The following SLC6A7 variants were observed in gnomAD, a reference collection of about 807,000 sequenced individuals.
SLC6A7 encodes the protein solute carrier family 6 member 7, also known as sodium-dependent proline transporter.
A neutral mutation model predicts 73.1 loss-of-function variants in SLC6A7; 58 were observed. The observed-to-expected ratio is 0.79, with a 90% CI of 0.64 to 0.99. The LOEUF (loss-of-function observed/expected upper bound fraction) is 0.99. Ranked by LOEUF, SLC6A7 falls within the 50% of genes least tolerant of loss-of-function variation. The pLI, the probability that SLC6A7 is intolerant of heterozygous loss-of-function variation, is 0.00. For synonymous variants in SLC6A7, 338 were observed against 338.7 expected (o/e 1.00, Z 0.02); for missense variants, 783 against 831.4 (o/e 0.94, Z 0.72).
rs1580879505 is a variant in SLC6A7, at chr5:150,210,693, A to T, written c.*1078A>T. ...CCTGGTGGCCTTCAGTGTCTCTTCC[A>T]GTTCCAGGAGCTGCTGGGAAGCTGG... On this transcript the variant is annotated 3_prime_UTR_variant, in exon 14 of 14. Transcript: ENST00000230671. The T allele has an allele frequency of 6.6e-6, 1 of 152,586 alleles. No homozygotes were observed. Among genetic ancestry groups the T allele is most frequent in the Non-Finnish European group, 1.5e-5 (1 of 68,136 alleles). 9.5% of individuals were successfully genotyped at this position (152,586 alleles called of 1,614,324 possible).
Position 150,208,049 on chromosome 5 carries a change from G to A in SLC6A7, c.1702-1357G>A, listed in dbSNP as rs145902236. Among the ~76,000 whole-genome samples the A allele has an allele frequency of 3.3e-3, 490 of 148,396 alleles. 5 individuals are homozygous for A. Among genetic ancestry groups the A allele is most frequent in the African/African-American group, 0.011 (462 of 41,160 alleles). On this transcript the variant is annotated intron_variant, in intron 13 of 13. Coordinates refer to ENST00000230671, the MANE Select transcript of SLC6A7 (RefSeq NM_014228.5). ...CCCATAACACAGAATCCTCTAGACC[G>A]AAATGTCAGGAGCACTCAGGTTAAG...
intron 1 of SLC6A7, among the ~76,000 whole-genome samples, chr5:150,193,779 T>C (rs1029882088): frequency 4.6e-5 from 7 of 152,166 alleles, no homozygotes; most frequent in African/African-American, 1.7e-4. Context: ...TGCTCCATAT[T>C]GTCTGCATCT....
rs1753442818 is a variant in SLC6A7, at chr5:150,202,608, C to A, written c.992C>A (p.Ala331Asp). 1 of 1,614,252 alleles carries A rather than the reference C, an allele frequency of 6.2e-7. No individual in the cohort carries two copies. Among genetic ancestry groups the A allele is most frequent in the Non-Finnish European group, 8.5e-7 (1 of 1,180,036 alleles). Residue 331 changes from alanine to aspartate, a missense_variant, in exon 8 of 14, where the codon GCC (alanine) becomes GAC (aspartate). Physicochemically the swap from Ala to Asp is moderately radical, Grantham distance 126 (BLOSUM62 -2). Coordinates refer to ENST00000230671, the MANE Select transcript of SLC6A7 (RefSeq NM_014228.5). The part of the protein sequence containing the change: ...RDTFIVTLGN[A>D]ITSILAGFAI... Reference sequence around the variant, plus strand: ...ACTTTCATCGTCACTCTGGGCAACGCCATCACCAGCATCCTGGCTGGCTTT... The same window carrying A: ...ACTTTCATCGTCACTCTGGGCAACGACATCACCAGCATCCTGGCTGGCTTT...
At position 150,205,476 on chromosome 5, in the gene SLC6A7, C is replaced by T. The variant is rs1164665761; in HGVS notation, c.1554C>T (p.Ile518=). The stretch of plus-strand genomic sequence containing the variant: ...TGCAGGCCCTCATGGTGTATAGCAT[C>T]GTCAAGTACCAGCCCTCGGAGTATG... The part of the protein sequence containing the change: ...ATLLALMVYS[I]VKYQPSEYGS... Residue 518 remains isoleucine (I), a synonymous_variant, in exon 13 of 14, where the codon ATC becomes ATT. Coordinates refer to ENST00000230671, the MANE Select transcript of SLC6A7 (RefSeq NM_014228.5). The T allele has an allele frequency of 1.9e-6, 3 of 1,608,246 alleles. No individual in the cohort carries two copies. In the South Asian group the frequency reaches 3.3e-5, roughly 18 times the overall value.
rs1361427795 is a variant in SLC6A7 at position 150,204,537 on chromosome 5, C to T, written c.1338C>T (p.Gly446=). 1 of 1,612,656 alleles carries T rather than the reference C, an allele frequency of 6.2e-7. No homozygotes were observed. Among genetic ancestry groups the T allele is most frequent in the Non-Finnish European group, 8.5e-7 (1 of 1,178,600 alleles). Reference sequence around the variant, plus strand: ...GAACTGTGCTTGTGTTTTAGGGGGGCATGTACTGGCTGGTCCTTCTGGATG... The same window carrying T: ...GAACTGTGCTTGTGTTTTAGGGGGGTATGTACTGGCTGGTCCTTCTGGATG... ...LMGLILTTDG[G]MYWLVLLDDY... The change falls in exon 11 of 14, where the codon GGC becomes GGT. Residue 446 remains glycine, a synonymous_variant. Coordinates refer to ENST00000230671, the MANE Select transcript of SLC6A7 (RefSeq NM_014228.5).
intron 4 of SLC6A7, among the ~76,000 whole-genome samples, chr5:150,198,699 G>A (rs1349657767): frequency 1.3e-5 from 2 of 152,090 alleles, no homozygotes; most frequent in Admixed American, 6.6e-5. Flanking sequence ...CTAGCAACAG[G>A]GACAGCTATC....
Position 150,190,370 on chromosome 5 carries a change from G to C in SLC6A7, c.33+10G>C. The C allele has an allele frequency of 2.0e-6, 3 of 1,487,270 alleles. No individual in the cohort carries two copies. In the Middle Eastern group the frequency reaches 5.6e-4, roughly 276 times the overall value. 92.1% of individuals were successfully genotyped at this position (1,487,270 alleles called of 1,614,324 possible). On this transcript the variant is annotated intron_variant, in intron 1 of 13. Coordinates refer to ENST00000230671, the MANE Select transcript of SLC6A7 (RefSeq NM_014228.5). ...AGCTCACCTCCGCAAGGTAGGGCAC[G>C]AGGGCGGGGGCGCTGGGGGTGCACC...
At chr5:150,194,656 C>G in intron 1 of SLC6A7, 72 bp from the exon 2 acceptor site, 1 of 1,127,454 alleles carries the variant, frequency 8.9e-7, no homozygotes, top group Non-Finnish European at 1.3e-6. Context: ...ATTCCAGAGT[C>G]TTGTCTTGAG....
At position 150,209,724 on chromosome 5, in the gene SLC6A7, C is replaced by A. The variant is rs759563099; in HGVS notation, c.*109C>A. 131 of 920,204 alleles carry A rather than the reference C, an allele frequency of 1.4e-4. No homozygotes were observed. Among genetic ancestry groups the A allele is most frequent in the Middle Eastern group, 3.2e-4 (1 of 3,110 alleles). The allele number at this position is 920,204 out of a possible 1,614,324, so 57.0% of individuals were successfully genotyped here. On this transcript the variant is annotated 3_prime_UTR_variant, in exon 14 of 14. Transcript: ENST00000230671. ...GGGATTCTGAGAGGCTATGGGGGGGCCTGCCATAGGGATGCCAGTCCCCCA... is the reference window on the plus strand; with the variant it reads ...GGGATTCTGAGAGGCTATGGGGGGGACTGCCATAGGGATGCCAGTCCCCCA...
rs371525029 is a variant in SLC6A7, at chr5:150,209,629, C to A, written c.*14C>A. 13 of 1,571,672 alleles carry A rather than the reference C, an allele frequency of 8.3e-6. No individual in the cohort carries two copies. Among genetic ancestry groups the A allele is most frequent in the Middle Eastern group, 3.3e-4 (2 of 5,974 alleles). ...TCGATGATGTGAGGCAGGAGGCAGG[C>A]GGGCAGAAGGCCCTGCCCGGGACCT... is the stretch of plus-strand genomic sequence containing the variant. On this transcript the variant is annotated 3_prime_UTR_variant, in exon 14 of 14. Coordinates refer to ENST00000230671, the MANE Select transcript of SLC6A7 (RefSeq NM_014228.5).
chr5:150,203,820 G>GGTGTGTGC, intron 9 of SLC6A7, 41 bp downstream of exon 9: 1 of 801,386 alleles, frequency 1.2e-6, no homozygotes, highest in Non-Finnish European at 2.0e-6. Context: ...GTGTGTGTGT[G>GGTGTGTGC]GTGTGTGTGT....
chr5:150,202,346 G>A lies in SLC6A7; in HGVS notation c.859-1G>A, dbSNP rs1326124027. 6 of 1,610,360 alleles carry A rather than the reference G, an allele frequency of 3.7e-6. No homozygotes were observed. The East Asian group carries it at 8.9e-5, about 24-fold the overall frequency. On this transcript the variant is annotated splice_acceptor_variant, in intron 6 of 13. Transcript: ENST00000230671. LOFTEE classifies it high-confidence loss of function. ...CTCCCTTTCCATCCTTCCCGGCACA[G>A]GTGTGGATTGAAGCTGCTCTTCAGA...
intron 6 of SLC6A7, among the ~76,000 whole-genome samples, chr5:150,201,687 C>G (rs533153645): frequency 6.6e-6 from 1 of 152,076 alleles, no homozygotes; most frequent in Admixed American, 6.5e-5. Flanking sequence ...GCTAGGGGAT[C>G]GAAGAACAGG....
intron 1 of SLC6A7, 97 bp downstream of exon 1, chr5:150,190,457 C>A: frequency 1.2e-6 from 1 of 801,526 alleles, no homozygotes; most frequent in Non-Finnish European, 1.9e-6. Flanking sequence ...GAGGATGCAC[C>A]CAGACCAGCT....
At position 150,198,125 on chromosome 5, in the gene SLC6A7, G is replaced by A. The variant is rs1352350673; in HGVS notation, c.584+849G>A. On this transcript the variant is annotated intron_variant, in intron 4 of 13. Coordinates refer to ENST00000230671, the MANE Select transcript of SLC6A7 (RefSeq NM_014228.5). ...AAAGAAAGAAAGAAAGAGAAAGAAAGAAAGAAAGAAAGAAAGCAAAGCCCA... is the reference window on the plus strand; with the variant it reads ...AAAGAAAGAAAGAAAGAGAAAGAAAAAAAGAAAGAAAGAAAGCAAAGCCCA... 4.9e-4 allele frequency among the ~76,000 whole-genome samples: 67 copies of A among 137,476 alleles called. 1 individual carries two copies. Among genetic ancestry groups the A allele is most frequent in the African/African-American group, 1.6e-3 (59 of 36,218 alleles). The allele number at this position is 137,476 out of a possible 152,430, so 90.2% of individuals were successfully genotyped here.
At position 150,197,025 on chromosome 5, in the gene SLC6A7, G is replaced by A. The variant is rs1281863131; in HGVS notation, c.350-17G>A. 2 of 1,609,358 alleles carry A rather than the reference G, an allele frequency of 1.2e-6. No individual in the cohort carries two copies. Among genetic ancestry groups the A allele is most frequent in the Admixed American group, 1.7e-5 (1 of 59,972 alleles). On this transcript the variant is annotated splice_polypyrimidine_tract_variant and intron_variant, in intron 3 of 13. Coordinates refer to ENST00000230671, the MANE Select transcript of SLC6A7 (RefSeq NM_014228.5). ...AGAGCTTGGCCTGGGCAGCCCAGCA[G>A]CCTCTCCCCACACCAGGCGCCGGCG...
At chr5:150,195,019 G>T in intron 2 of SLC6A7, 108 bp downstream of exon 2, 1 of 933,096 alleles carries the variant, frequency 1.1e-6, no homozygotes, top group African/African-American at 1.6e-5. Flanking sequence ...GCGACCTTGG[G>T]CAGAACTCAT....
At chr5:150,198,095 GA>G (rs1307430425) in intron 4 of SLC6A7, among the ~76,000 whole-genome samples, 8 of 106,646 alleles carry the variant, frequency 7.5e-5, no homozygotes, top group African/African-American at 2.4e-4. Context: ...AAGAAAGAAA[GA>G]AAGAAAGAAA....
chr5:150,206,229 G>A (rs1011334845), intron 13 of SLC6A7, among the ~76,000 whole-genome samples: 2 of 152,130 alleles, frequency 1.3e-5, no homozygotes, highest in Non-Finnish European at 1.5e-5. Context: ...TTCTGCCGCC[G>A]CTGGTGTGGA....
Sources: allele counts gnomAD v4.1 joint callset (sites outside exome capture counted in the v4.1 genomes callset), GRCh38; gene constraint gnomAD v4.1.1; transcripts MANE v1.5; gene names NCBI Gene and HGNC (gene_info 2026-07-23, HGNC 2026-07-21).